Variants in CUX1 observed in about 807,000 individuals in gnomAD.
The protein encoded by CUX1 is protein CASP.
CUX1 carries 31 observed loss-of-function variants against 158.8 expected under a neutral mutation model. The observed-to-expected ratio is 0.20, with a 90% CI of 0.15 to 0.26. The LOEUF is 0.26. CUX1 is among the 10% of genes least tolerant of loss of function. CUX1 has a pLI of 1.00. For missense variants in CUX1, 1,589 were observed against 2,014.6 expected (o/e 0.79, Z 4.04); for synonymous variants, 879 against 862.1 (o/e 1.02, Z -0.34).
chr7:102,240,417 C>T (rs1203693924), intron 23 of CUX1, among the ~76,000 whole-genome samples: 1 of 151,992 alleles, frequency 6.6e-6, no homozygotes, highest in Non-Finnish European at 1.5e-5. Context: ...GCCAATGCAC[C>T]ACCATGCCTG....
intron 10 of CUX1, among the ~76,000 whole-genome samples, chr7:102,177,903 G>A (rs76695681): frequency 2.5e-4 from 38 of 149,570 alleles, no homozygotes; most frequent in Middle Eastern, 3.5e-3. Flanking sequence ...GTTTTTTTTT[G>A]TTTTTTTGAG....
chr7:102,003,220 C>G (rs9641287), intron 2 of CUX1, among the ~76,000 whole-genome samples: 1 of 150,764 alleles, frequency 6.6e-6, no homozygotes, highest in African/African-American at 2.4e-5. Context: ...TCTAGAGAGG[C>G]CCCTTGATCC....
At chr7:102,099,123 C>A (rs1357243898) in intron 5 of CUX1, among the ~76,000 whole-genome samples, 1 of 152,088 alleles carries the variant, frequency 6.6e-6, no homozygotes, top group Admixed American at 6.6e-5. Flanking sequence ...CTAAGACCTC[C>A]GAGCACACCT....
chr7:101,982,764 C>A (rs1813600203), intron 2 of CUX1, among the ~76,000 whole-genome samples: 1 of 151,820 alleles, frequency 6.6e-6, no homozygotes, highest in Non-Finnish European at 1.5e-5. Context: ...GATACATGTG[C>A]ACAACGTGCA....
chr7:102,251,905 AAACAGT>A lies in CUX1; in HGVS notation c.*2870_*2875del, dbSNP rs1801557208. 7.1e-6 allele frequency: 7 copies of A among 985,352 alleles called. No homozygotes were observed. Among genetic ancestry groups the A allele is most frequent in the Non-Finnish European group, 8.4e-6 (7 of 829,946 alleles). The allele number at this position is 985,352 out of a possible 1,614,324, so 61.0% of individuals were successfully genotyped here. A position where few individuals can be genotyped will look rare whatever the true frequency, so the allele number is the denominator to read the frequency against. On this transcript the variant is annotated 3_prime_UTR_variant, in exon 24 of 24. Transcript: ENST00000292535. Reference sequence around the variant, plus strand: ...TACAGATTTGTCCATTCTAGTGGCCAAACAGTAACAGTCTAAAATGCAGTCATTTTG... The same window carrying A: ...TACAGATTTGTCCATTCTAGTGGCCAAACAGTCTAAAATGCAGTCATTTTG...
Position 102,239,223 on chromosome 7 carries a change from T to G in CUX1, c.3623-97T>G, listed in dbSNP as rs62484935. 26 of 1,396,776 alleles carry G rather than the reference T, an allele frequency of 1.9e-5. No homozygotes were observed. In the East Asian group the frequency reaches 5.8e-4, roughly 31 times the overall value. 86.5% of individuals were successfully genotyped at this position (1,396,776 alleles called of 1,614,324 possible). On this transcript the variant is annotated intron_variant, in intron 22 of 23. Coordinates refer to ENST00000292535, the MANE Select transcript of CUX1 (RefSeq NM_181552.4). Reference sequence around the variant, plus strand: ...TTTTGAGATGCTCTATGCAAAGTCCTGCAAGCCGGCACTGTGCCGTCCCGC... The same window carrying G: ...TTTTGAGATGCTCTATGCAAAGTCCGGCAAGCCGGCACTGTGCCGTCCCGC...
chr7:101,922,722 C>T (rs755987199), intron 2 of CUX1, among the ~76,000 whole-genome samples: 6 of 152,124 alleles, frequency 3.9e-5, no homozygotes, highest in Admixed American at 6.5e-5. Context: ...AAGGCCTGAC[C>T]GCTGGGCAGG....
chr7:101,934,440 T>G (rs1806681307), intron 2 of CUX1, among the ~76,000 whole-genome samples: 2 of 152,232 alleles, frequency 1.3e-5, no homozygotes, highest in African/African-American at 4.8e-5. Context: ...TTCAAAGAAG[T>G]GCCTCTTCTA....
intron 4 of CUX1, among the ~76,000 whole-genome samples, chr7:102,093,531 G>A (rs1172839780): frequency 2.0e-5 from 3 of 152,176 alleles, no homozygotes; most frequent in African/African-American, 4.8e-5. Flanking sequence ...TCGTTTGCCT[G>A]GCGGGCTTCT....
At position 102,253,998 on chromosome 7, in the gene CUX1, G is replaced by A. The variant is rs967057618; in HGVS notation, c.*4956G>A. 1.2e-5 allele frequency: 12 copies of A among 985,326 alleles called. No individual in the cohort carries two copies. In the African/African-American group the frequency reaches 1.4e-4, roughly 11 times the overall value. 61.0% of individuals were successfully genotyped at this position (985,326 alleles called of 1,614,324 possible). A position where few individuals can be genotyped will look rare whatever the true frequency, so the allele number is the denominator to read the frequency against. ...CACACCCCACAGAACTGTGAGGCACGTGGGCTGGAGAGAGCAGAAAAGCTG... is the reference window on the plus strand; with the variant it reads ...CACACCCCACAGAACTGTGAGGCACATGGGCTGGAGAGAGCAGAAAAGCTG... On this transcript the variant is annotated 3_prime_UTR_variant, in exon 24 of 24. Transcript: ENST00000292535.
chr7:102,018,513 C>T (rs1429442979), intron 2 of CUX1, among the ~76,000 whole-genome samples: 3 of 152,160 alleles, frequency 2.0e-5, no homozygotes, highest in African/African-American at 4.8e-5. Flanking sequence ...CTGGAGCTGG[C>T]GCTTGCATGC....
chr7:101,874,875 T>C (rs1261307406), intron 1 of CUX1, among the ~76,000 whole-genome samples: 2 of 152,152 alleles, frequency 1.3e-5, no homozygotes, highest in Non-Finnish European at 2.9e-5. Flanking sequence ...TTCAGAGCGT[T>C]TGCATCACAC....
intron 8 of CUX1, among the ~76,000 whole-genome samples, chr7:102,144,998 G>A (rs1834870539): frequency 6.7e-6 from 1 of 149,884 alleles, no homozygotes; most frequent in Non-Finnish European, 1.5e-5. Context: ...TGAGGCAGTG[G>A]AATCACCTGA....
upstream of CUX1, chr7:101,817,024 C>G (rs1448400086): frequency 1.0e-6 from 1 of 984,398 alleles, no homozygotes; most frequent in Non-Finnish European, 1.2e-6. This position sits in a 1 kb window ranked among gnomAD's most constrained non-coding sequence, Gnocchi z 4.1. Flanking sequence ...GGACCTGTTC[C>G]TCCGTGGCGG....
At position 102,248,091 on chromosome 7, in the gene CUX1, A is replaced by G. The variant is rs1427375490; in HGVS notation, c.3888-321A>G. 6.6e-6 allele frequency among the ~76,000 whole-genome samples: 1 copy of G among 152,242 alleles called. No homozygotes were observed. The highest frequency in any genetic ancestry group is 1.5e-5 in the Non-Finnish European group (1 of 68,040). On this transcript the variant is annotated intron_variant, in intron 23 of 23. Transcript: ENST00000292535. This position sits in a 1 kb window ranked among gnomAD's most constrained non-coding sequence, Gnocchi z 5.8. ...GGTTGCAGTCTGCGGAGATTGAGCC[A>G]CTGCACTCCACCTGGGCAGCAACAG...
In CUX1 at chr7:101,846,814, G is replaced by C. The variant is rs117902613; in HGVS notation, c.30+29145G>C. Among the ~76,000 whole-genome samples, 45 of 152,226 alleles carry C rather than the reference G, an allele frequency of 3.0e-4. 1 individual carries two copies. Among genetic ancestry groups the C allele is most frequent in the Non-Finnish European group, 5.1e-4 (35 of 68,028 alleles). On this transcript the variant is annotated intron_variant, in intron 1 of 23. Transcript: ENST00000292535. Reference sequence around the variant, plus strand: ...GAAAGACTAAAAATAATTGCAGGCTGTGTTGGTCTGGTATGGATGCTGACT... The same window carrying C: ...GAAAGACTAAAAATAATTGCAGGCTCTGTTGGTCTGGTATGGATGCTGACT...
Position 102,148,139 on chromosome 7 carries a change from T to C in CUX1, c.675-10421T>C, listed in dbSNP as rs145446319. Among the ~76,000 whole-genome samples the C allele has an allele frequency of 4.5e-3, 684 of 152,142 alleles. 3 individuals are homozygous for C. Among genetic ancestry groups the C allele is most frequent in the African/African-American group, 0.015 (632 of 41,514 alleles). On this transcript the variant is annotated intron_variant, in intron 8 of 23. Transcript: ENST00000292535. ...ATAAATGCAACAGAAACAAAATGAA[T>C]GGACAATGGAGAGTGTGGCTGTGGA...
chr7:102,104,784 A>G (rs1830162165), intron 6 of CUX1, among the ~76,000 whole-genome samples: 1 of 152,084 alleles, frequency 6.6e-6, no homozygotes, highest in South Asian at 2.1e-4. Context: ...AATCCCAGCT[A>G]CTTAGGCTGA....
chr7:102,231,714 CTTTTT>C (rs1262074153), intron 21 of CUX1, among the ~76,000 whole-genome samples: 1 of 138,834 alleles, frequency 7.2e-6, no homozygotes, highest in Non-Finnish European at 1.6e-5. Flanking sequence ...AAAATTTTCT[CTTTTT>C]TTTTTTTTTT....
Sources: allele counts gnomAD v4.1 joint callset (sites outside exome capture counted in the v4.1 genomes callset), GRCh38; gene constraint gnomAD v4.1.1; non-coding constraint Gnocchi (gnomAD v3.1); transcripts MANE v1.5; gene names NCBI Gene and HGNC (gene_info 2026-07-23, HGNC 2026-07-21).